Variants in PIP5K1C observed in about 807,000 individuals in gnomAD.
PIP5K1C encodes the protein phosphatidylinositol-4-phosphate 5-kinase type 1 gamma, also known as phosphatidylinositol 4-phosphate 5-kinase type-1 gamma.
A neutral mutation model predicts 80.1 loss-of-function variants in PIP5K1C; 45 were observed. The ratio of observed to expected loss-of-function variants is 0.56; its 90% CI spans 0.44 to 0.72. The LOEUF is 0.72. Ranked by LOEUF, PIP5K1C falls within the 30% of genes least tolerant of loss-of-function variation. PIP5K1C has a pLI of 0.00. For synonymous variants in PIP5K1C, 498 were observed against 420.1 expected, an observed-to-expected ratio of 1.19 and a Z score of -2.27; for missense variants, 753 against 954.6, an observed-to-expected ratio of 0.79 and a Z score of 2.78.
Position 3,653,447 on chromosome 19 carries a change from T to A in PIP5K1C, c.764A>T (p.Lys255Met). 6.2e-7 allele frequency: 1 copy of A among 1,613,744 alleles called. No individual in the cohort carries two copies. The highest frequency in any genetic ancestry group is 8.5e-7 in the Non-Finnish European group (1 of 1,180,014). The change falls in exon 7 of 18, where the codon AAG becomes ATG. Residue 255 changes from lysine (K) to methionine (M), a missense_variant. This residue lies in a region of PIP5K1C where 105 missense variants were observed against 133.4 expected (regional missense o/e 0.79). Transcript: ENST00000335312. ...VVKMHLKFDL[K>M]GSTYKRRASK... ...GGCGCGCCGCTTGTAGGTGGAGCCC[T>A]TGAGGTCGAACTTGAGGTGCATCTT...
intron 5 of PIP5K1C, among the ~76,000 whole-genome samples, chr19:3,659,615 G>T (rs1439413761): frequency 6.6e-6 from 1 of 152,184 alleles, no homozygotes. Context: ...GCCCTGCCAA[G>T]CTCAGGCAAA....
At chr19:3,695,021 A>T (rs1235917505) in intron 1 of PIP5K1C, among the ~76,000 whole-genome samples, 1 of 152,238 alleles carries the variant, frequency 6.6e-6, no homozygotes, top group Non-Finnish European at 1.5e-5. Context: ...AACGGAACAA[A>T]TGGTGTGGCC....
chr19:3,653,454 C>T lies in PIP5K1C; in HGVS notation c.757G>A (p.Asp253Asn), dbSNP rs121908315. 1 of 1,613,770 alleles carries T rather than the reference C, an allele frequency of 6.2e-7. No homozygotes were observed. Among genetic ancestry groups the T allele is most frequent in the Non-Finnish European group, 8.5e-7 (1 of 1,180,032 alleles). The part of the protein sequence containing the change: ...PRVVKMHLKF[D>N]LKGSTYKRRA... Reference sequence around the variant, plus strand: ...CGCTTGTAGGTGGAGCCCTTGAGGTCGAACTTGAGGTGCATCTTGACCACG... The same window carrying T: ...CGCTTGTAGGTGGAGCCCTTGAGGTTGAACTTGAGGTGCATCTTGACCACG... The change falls in exon 7 of 18, where the codon GAC becomes AAC. Residue 253 changes from aspartate (D) to asparagine (N), a missense_variant. Asp to Asn is a conservative substitution (Grantham distance 23, BLOSUM62 1). This residue lies in a region of PIP5K1C where 139 missense variants were observed against 289.7 expected (regional missense o/e 0.48). Transcript: ENST00000335312.
rs1301635311 is a variant in PIP5K1C, at chr19:3,637,253, G to A, written c.1920+1631C>T. 6.9e-7 allele frequency: 1 copy of A among 1,458,150 alleles called. No individual in the cohort carries two copies. The highest frequency in any genetic ancestry group is 2.5e-5 in the East Asian group (1 of 40,200). 90.3% of individuals were successfully genotyped at this position (1,458,150 alleles called of 1,614,324 possible). A position where few individuals can be genotyped will look rare whatever the true frequency, so the allele number is the denominator to read the frequency against. On this transcript the variant is annotated intron_variant, in intron 16 of 17. Transcript: ENST00000335312. This position sits in a 1 kb window ranked among gnomAD's most constrained non-coding sequence, Gnocchi z 7.0. ...AGGGGCTCGCTGGGGTCTGGCCGGG[G>A]TCCGAAGCAGACCCTGGGCCTCAGC...
chr19:3,633,493 A>G lies in PIP5K1C; in HGVS notation c.1948T>C (p.Ser650Pro). The G allele has an allele frequency of 6.7e-7, 1 of 1,502,716 alleles. No individual in the cohort carries two copies. Among genetic ancestry groups the G allele is most frequent in the Non-Finnish European group, 8.9e-7 (1 of 1,122,274 alleles). 93.1% of individuals were successfully genotyped at this position (1,502,716 alleles called of 1,614,324 possible). The change falls in exon 17 of 18, where the codon TCC becomes CCC. Residue 650 changes from serine (S) to proline (P), a missense_variant. This residue lies in a region of PIP5K1C where 315 missense variants were observed against 294.5 expected (regional missense o/e 1.07). Transcript: ENST00000335312. Reference sequence around the variant, plus strand: ...GCCTGGGCGCTATAGTGGAGCGGGGAGTACACCCAGCTCCTCTCATCGGTG... The same window carrying G: ...GCCTGGGCGCTATAGTGGAGCGGGGGGTACACCCAGCTCCTCTCATCGGTG... ...FPTDERSWVY[S>P]PLHYSAQAPP...
intron 8 of PIP5K1C, among the ~76,000 whole-genome samples, chr19:3,651,568 C>T (rs1189920900): frequency 6.6e-6 from 1 of 152,228 alleles, no homozygotes; most frequent in African/African-American, 2.4e-5. Context: ...GGCCAGTGGC[C>T]TCGGCCCAGT....
chr19:3,664,531 G>A (rs2034943273), intron 3 of PIP5K1C, among the ~76,000 whole-genome samples: 2 of 152,176 alleles, frequency 1.3e-5, no homozygotes, highest in African/African-American at 4.8e-5. Flanking sequence ...TCCCTCACCA[G>A]GGCCGAGAGC....
At position 3,692,877 on chromosome 19, in the gene PIP5K1C, C is replaced by T. The variant is rs2035988268; in HGVS notation, c.94+7420G>A. On this transcript the variant is annotated intron_variant, in intron 1 of 17. Coordinates refer to ENST00000335312, the MANE Select transcript of PIP5K1C (RefSeq NM_012398.3). This position sits in a 1 kb window ranked among gnomAD's most constrained non-coding sequence, Gnocchi z 5.2. Reference sequence around the variant, plus strand: ...CTAAAACACCAGGCGTGGTCCTGCCCCAGAGCCTTTGCACAGTGCCTCTGC... The same window carrying T: ...CTAAAACACCAGGCGTGGTCCTGCCTCAGAGCCTTTGCACAGTGCCTCTGC... 6.6e-6 allele frequency among the ~76,000 whole-genome samples: 1 copy of T among 151,958 alleles called. No individual in the cohort carries two copies. The highest frequency in any genetic ancestry group is 6.6e-5 in the Admixed American group (1 of 15,246).
At chr19:3,697,192 G>C (rs561845176) in intron 1 of PIP5K1C, among the ~76,000 whole-genome samples, 26 of 151,358 alleles carry the variant, frequency 1.7e-4, no homozygotes, top group Admixed American at 1.7e-3. Context: ...GACTGGGGAG[G>C]ACTGAGCCGG....
intron 6 of PIP5K1C, among the ~76,000 whole-genome samples, chr19:3,654,634 G>A (rs912012817): frequency 6.6e-6 from 1 of 152,022 alleles, no homozygotes; most frequent in Non-Finnish European, 1.5e-5. Flanking sequence ...TGGCCAACAT[G>A]GTGAAACCCC....
Position 3,660,970 on chromosome 19 carries a change from T to C in PIP5K1C, c.464A>G (p.Tyr155Cys), listed in dbSNP as rs1568334052. The change falls in exon 5 of 18, where the codon TAC (tyrosine) becomes TGC (cysteine). Residue 155 changes from tyrosine (Y) to cysteine (C), a missense_variant. Physicochemically the swap from Tyr to Cys is radical, Grantham distance 194 (BLOSUM62 -2). Transcript: ENST00000335312. Reference sequence around the variant, plus strand: ...CGTAACAGCAAATATGCTTACCAAGTAATCATCTGGCCGGATCCCAAAGAG... The same window carrying C: ...CGTAACAGCAAATATGCTTACCAAGCAATCATCTGGCCGGATCCCAAAGAG... The part of the protein sequence containing the change: ...RELFGIRPDD[Y>C]LYSLCNEPLI... 1 of 1,611,500 alleles carries C rather than the reference T, an allele frequency of 6.2e-7. No homozygotes were observed. Among genetic ancestry groups the C allele is most frequent in the South Asian group, 1.1e-5 (1 of 91,040 alleles).
In PIP5K1C at chr19:3,633,111, C is replaced by T. The variant is rs530130297; in HGVS notation, c.*56G>A. ...GCCTCAGCGGGGTGGGCAGCGCCTT[C>T]GGGGGCAGCCGGAGCAGAAGTGGAG... On this transcript the variant is annotated 3_prime_UTR_variant, in exon 18 of 18. Coordinates refer to ENST00000335312, the MANE Select transcript of PIP5K1C (RefSeq NM_012398.3). 4.1e-3 allele frequency: 2,985 copies of T among 730,490 alleles called. 7 individuals carry two copies. Among genetic ancestry groups the T allele is most frequent in the Non-Finnish European group, 6.1e-3 (2,408 of 393,476 alleles). The allele number at this position is 730,490 out of a possible 1,614,324, so 45.3% of individuals were successfully genotyped here.
intron 16 of PIP5K1C, among the ~76,000 whole-genome samples, chr19:3,633,761 T>C (rs1392430623): frequency 1.3e-5 from 2 of 151,988 alleles, no homozygotes; most frequent in East Asian, 3.9e-4. Flanking sequence ...AGAAAGCAGT[T>C]AGTTCAGTCG....
intron 16 of PIP5K1C, among the ~76,000 whole-genome samples, chr19:3,634,398 G>A (rs1027587026): frequency 2.0e-5 from 3 of 151,760 alleles, no homozygotes; most frequent in African/African-American, 7.3e-5. Flanking sequence ...CTCTCTCTCG[G>A]GCCTCTGTCA....
chr19:3,679,723 T>C (rs546503759), intron 1 of PIP5K1C, among the ~76,000 whole-genome samples: 3 of 152,176 alleles, frequency 2.0e-5, no homozygotes, highest in Admixed American at 1.3e-4. Context: ...GCTACCAAGA[T>C]GGGGCATCAG....
intron 16 of PIP5K1C, among the ~76,000 whole-genome samples, chr19:3,638,648 G>A (rs1179433483): frequency 6.6e-6 from 1 of 152,168 alleles, no homozygotes; most frequent in Non-Finnish European, 1.5e-5. Flanking sequence ...TGGTTTGGAG[G>A]AGCTTCCCAC....
intron 8 of PIP5K1C, among the ~76,000 whole-genome samples, chr19:3,651,257 T>C (rs112864459): frequency 0.011 from 1,669 of 152,282 alleles, 35 homozygotes; most frequent in African/African-American, 0.039. Flanking sequence ...GGTCTTGCCA[T>C]GTTGCCCAGG....
chr19:3,647,418 C>T (rs1345658360), intron 9 of PIP5K1C, 32 bp from the exon 10 acceptor site: 8 of 1,562,608 alleles, frequency 5.1e-6, no homozygotes, highest in Admixed American at 1.8e-5. Flanking sequence ...TGGCAGCTGA[C>T]ATCAGCCAAG....
chr19:3,680,800 G>A (rs1337676519), intron 1 of PIP5K1C, among the ~76,000 whole-genome samples: 5 of 152,248 alleles, frequency 3.3e-5, no homozygotes, highest in Non-Finnish European at 5.9e-5. Flanking sequence ...CAGGCTTTGA[G>A]CGTGGCCCTG....
Sources: gnomAD v4.1 joint callset for allele counts (sites outside exome capture counted in the v4.1 genomes callset) on GRCh38, gnomAD v4.1.1 for gene constraint, gnomAD v4.1.1 regional missense constraint, Gnocchi (gnomAD v3.1) non-coding constraint, MANE v1.5 for transcripts, NCBI Gene and HGNC (gene_info 2026-07-23, HGNC 2026-07-21) for gene names.